SGCD: variants seen among roughly 807,000 people sequenced by gnomAD.
SGCD encodes the protein delta-sarcoglycan.
Under a neutral mutation model 36.6 loss-of-function variants are expected in SGCD, and 18 were observed. The observed-to-expected ratio is 0.49, with a 90% CI of 0.34 to 0.73. The LOEUF is 0.73. SGCD is among the 30% of genes least tolerant of loss of function. The pLI, the probability that SGCD is intolerant of heterozygous loss-of-function variation, is 0.01. For missense variants in SGCD, 387 were observed against 346.7 expected, an observed-to-expected ratio of 1.12 and a Z score of -0.92; for synonymous variants, 133 against 130.6, an observed-to-expected ratio of 1.02 and a Z score of -0.12.
chr5:156,492,389 A>G (rs1755985261), intron 3 of SGCD, among the ~76,000 whole-genome samples: 1 of 152,084 alleles, frequency 6.6e-6, no homozygotes, highest in Non-Finnish European at 1.5e-5. Context: ...GACTCAGGAG[A>G]ACTGATGGCA....
chr5:156,286,366 C>T (rs1766596561), intron 3 of SGCD, among the ~76,000 whole-genome samples: 2 of 152,174 alleles, frequency 1.3e-5, no homozygotes, highest in African/African-American at 2.4e-5. Flanking sequence ...TATAAAGACA[C>T]ATGCACACAT....
intron 3 of SGCD, among the ~76,000 whole-genome samples, chr5:156,464,551 T>A (rs1754641389): frequency 6.6e-6 from 1 of 152,246 alleles, no homozygotes; most frequent in Non-Finnish European, 1.5e-5. Context: ...CCATTTTATA[T>A]GAGAACATCT....
chr5:156,610,376 G>A (rs1019093165), intron 6 of SGCD, among the ~76,000 whole-genome samples: 1 of 152,190 alleles, frequency 6.6e-6, no homozygotes, highest in African/African-American at 2.4e-5. Flanking sequence ...TGAACAGCAA[G>A]TGTTGCTGCC....
intron 3 of SGCD, among the ~76,000 whole-genome samples, chr5:156,228,517 A>T (rs1366130641): frequency 6.6e-6 from 1 of 151,998 alleles, no homozygotes; most frequent in African/African-American, 2.4e-5. Flanking sequence ...TCTTTACCTC[A>T]AGTTTATTTG....
chr5:156,583,362 G>A (rs779948682), intron 4 of SGCD, among the ~76,000 whole-genome samples: 5 of 152,236 alleles, frequency 3.3e-5, no homozygotes, highest in African/African-American at 7.2e-5. Context: ...CAAGCAACAC[G>A]AGGATTATCC....
intron 3 of SGCD, among the ~76,000 whole-genome samples, chr5:156,362,241 G>C (rs889907224): frequency 6.6e-6 from 1 of 152,196 alleles, no homozygotes; most frequent in African/African-American, 2.4e-5. Flanking sequence ...TTTCTGATTT[G>C]TATGGTGTGA....
At chr5:155,993,444 A>C (rs995653393) in intron 1 of SGCD, among the ~76,000 whole-genome samples, 2 of 149,800 alleles carry the variant, frequency 1.3e-5, no homozygotes, top group Admixed American at 6.7e-5. Flanking sequence ...TCCTGGGCTC[A>C]AGCATTTCTT....
chr5:156,541,814 T>C (rs1271401076), intron 4 of SGCD, among the ~76,000 whole-genome samples: 1 of 152,180 alleles, frequency 6.6e-6, no homozygotes, highest in Non-Finnish European at 1.5e-5. Context: ...TTAGAGATGC[T>C]AAATAACTCA....
chr5:156,168,236 A>G (rs1016529221), intron 3 of SGCD, among the ~76,000 whole-genome samples: 1 of 152,216 alleles, frequency 6.6e-6, no homozygotes, highest in African/African-American at 2.4e-5. Flanking sequence ...TCAATTCACA[A>G]TATGGTTTAT....
At chr5:155,843,085 G>A in the SGCD span, among the ~76,000 whole-genome samples, 4 of 152,270 alleles carry the variant, frequency 2.6e-5, no homozygotes, top group East Asian at 3.9e-4. Context: ...CCTCAAGAGC[G>A]GGTGCTGGTC....
intron 3 of SGCD, among the ~76,000 whole-genome samples, chr5:156,466,999 G>A (rs1446431579): frequency 6.6e-6 from 1 of 152,128 alleles, no homozygotes; most frequent in Non-Finnish European, 1.5e-5. Context: ...CATGTTGAAG[G>A]TTGATAAACA....
At chr5:155,833,054 G>C in the SGCD span, among the ~76,000 whole-genome samples, 1 of 120,170 alleles carries the variant, frequency 8.3e-6, no homozygotes, top group Non-Finnish European at 1.8e-5. Flanking sequence ...CTAAAAATAC[G>C]AAAAAAAAAA....
At chr5:156,071,544 C>T (rs150098057) in intron 1 of SGCD, among the ~76,000 whole-genome samples, 5 of 152,080 alleles carry the variant, frequency 3.3e-5, no homozygotes, top group African/African-American at 1.2e-4. Flanking sequence ...GAGAGCTTTA[C>T]TTCCAACTAT....
the SGCD span, among the ~76,000 whole-genome samples, chr5:155,752,628 T>C: frequency 6.6e-6 from 1 of 152,170 alleles, no homozygotes; most frequent in Non-Finnish European, 1.5e-5. Flanking sequence ...AGGACCATAG[T>C]CTTCTACAAA....
At chr5:155,833,976 TC>T in the SGCD span, among the ~76,000 whole-genome samples, 65 of 152,352 alleles carry the variant, frequency 4.3e-4, 1 homozygote, top group South Asian at 4.8e-3. Flanking sequence ...ACATCAGTCT[TC>T]CTTTCACACC....
At chr5:156,306,818 C>T (rs1767226097) in intron 3 of SGCD, among the ~76,000 whole-genome samples, 1 of 152,110 alleles carries the variant, frequency 6.6e-6, no homozygotes, top group East Asian at 1.9e-4. Context: ...TCCTATTTGG[C>T]CATCTTGCTC....
At chr5:156,551,374 A>G (rs1758785723) in intron 4 of SGCD, among the ~76,000 whole-genome samples, 1 of 151,860 alleles carries the variant, frequency 6.6e-6, no homozygotes, top group South Asian at 2.1e-4. Flanking sequence ...TTCCCTACAC[A>G]CTCAAATATG....
Position 156,594,967 on chromosome 5 carries a change from G to T in SGCD, c.418G>T (p.Glu140Ter). The T allele has an allele frequency of 6.2e-7, 1 of 1,611,910 alleles. No homozygotes were observed. Among genetic ancestry groups the T allele is most frequent in the Non-Finnish European group, 8.5e-7 (1 of 1,178,664 alleles). ...CGTAGAAGCTTATGGTAAAAAATTT[G>T]AGGTAAAAACTGTTTCTGGAAAATT... ...KAVEAYGKKF[E>*]VKTVSGKLLF... Residue 140 changes from glutamate (E) to a stop codon, truncating the protein, a stop_gained, in exon 6 of 9, where the codon GAG becomes TAG. Transcript: ENST00000337851. LOFTEE classifies it high-confidence loss of function.
At chr5:155,979,016 C>T (rs73810382) in intron 1 of SGCD, among the ~76,000 whole-genome samples, 6,894 of 152,184 alleles carry the variant, frequency 0.045, 548 homozygotes, top group African/African-American at 0.16. Flanking sequence ...CACAGAGTGT[C>T]TCCTTGGGGA....
Sources: gnomAD v4.1 joint callset for allele counts (sites outside exome capture counted in the v4.1 genomes callset) on GRCh38, gnomAD v4.1.1 for gene constraint, MANE v1.5 for transcripts, NCBI Gene and HGNC (gene_info 2026-07-23, HGNC 2026-07-21) for gene names.